IGFBPL1: variants seen among roughly 807,000 people sequenced by gnomAD.
IGFBPL1 encodes the protein insulin-like growth factor-binding protein-like 1.
Under a neutral mutation model 23.9 loss-of-function variants are expected in IGFBPL1, and 20 were observed. The observed-to-expected ratio is 0.84, with a 90% CI of 0.59 to 1.22. IGFBPL1 has a LOEUF of 1.22. Ranked by LOEUF, IGFBPL1 falls within the 50% of genes most tolerant of loss-of-function variation. IGFBPL1 has a pLI of 0.00. For synonymous variants in IGFBPL1, 184 were observed against 171.8 expected, an observed-to-expected ratio of 1.07 and a Z score of -0.56; for missense variants, 436 against 379.3, an observed-to-expected ratio of 1.15 and a Z score of -1.24.
intron 1 of IGFBPL1, among the ~76,000 whole-genome samples, chr9:38,420,285 C>T (rs978335933): frequency 6.6e-6 from 1 of 152,176 alleles, no homozygotes; most frequent in Non-Finnish European, 1.5e-5. Context: ...ACTTGCACAC[C>T]CACCAAAGGG....
Position 38,414,126 on chromosome 9 carries a change from C to A in IGFBPL1, c.538G>T (p.Ala180Ser). Residue 180 changes from alanine (A) to serine (S), a missense_variant, in exon 2 of 5, where the codon GCT (alanine) becomes TCT (serine). Coordinates refer to ENST00000377694, the MANE Select transcript of IGFBPL1 (RefSeq NM_001007563.3). ...CACGTGATGACTGGGGTAGGCACAG[C>A]CCTCACTTCACAGGACAGGCCCACC... ...AQVGLSCEVR[A>S]VPTPVITWRK... The A allele has an allele frequency of 3.7e-6, 6 of 1,612,390 alleles. No individual in the cohort carries two copies. The highest frequency in any genetic ancestry group is 1.1e-5 in the South Asian group (1 of 91,026).
chr9:38,412,588 G>C (rs1334563128), intron 3 of IGFBPL1, among the ~76,000 whole-genome samples: 1 of 152,200 alleles, frequency 6.6e-6, no homozygotes. Context: ...TTGGGCTGCT[G>C]TAACAAATCG....
Position 38,408,253 on chromosome 9 carries a change from CAAA to C in IGFBPL1, c.*971_*973del, listed in dbSNP as rs35229194. On this transcript the variant is annotated 3_prime_UTR_variant, in exon 5 of 5. Coordinates refer to ENST00000377694, the MANE Select transcript of IGFBPL1 (RefSeq NM_001007563.3). ...GCAACATAGGGAGACCCTGTCTCTA[CAAA>C]AAAAAAAAAAAAAAAAAAAAAAATA... 4.3e-5 allele frequency among the ~76,000 whole-genome samples: 3 copies of C among 70,178 alleles called. No individual in the cohort carries two copies. Among genetic ancestry groups the C allele is most frequent in the Non-Finnish European group, 8.4e-5 (3 of 35,766 alleles). The allele number at this position is 70,178 out of a possible 152,430, so 46.0% of individuals were successfully genotyped here.
intron 1 of IGFBPL1, among the ~76,000 whole-genome samples, chr9:38,422,565 AC>A (rs1331136157): frequency 6.6e-6 from 1 of 152,156 alleles, no homozygotes; most frequent in Non-Finnish European, 1.5e-5. Context: ...AGTGAAAGGG[AC>A]CTCAACAATG....
intron 1 of IGFBPL1, among the ~76,000 whole-genome samples, chr9:38,414,560 CCGACT>C (rs1460409809): frequency 6.6e-6 from 1 of 152,166 alleles, no homozygotes; most frequent in Non-Finnish European, 1.5e-5. Flanking sequence ...AAAACGGCAG[CCGACT>C]CCTAGAGGGG....
chr9:38,417,257 T>A lies in IGFBPL1; in HGVS notation c.461-3054A>T, dbSNP rs1821612606. ...GTGAGCCCAGTGATGTGGCTCCAGA[T>A]CCCAAGCTCTTCTGAACCACTGTGC... On this transcript the variant is annotated intron_variant, in intron 1 of 4. Transcript: ENST00000377694. Among the ~76,000 whole-genome samples the A allele has an allele frequency of 1.3e-5, 2 of 152,174 alleles. 1 individual carries two copies. The highest frequency in any genetic ancestry group is 4.1e-4 in the South Asian group (2 of 4,832).
intron 4 of IGFBPL1, 61 bp from the exon 5 acceptor site, chr9:38,409,278 T>C (rs1356639935): frequency 2.0e-5 from 3 of 152,212 alleles, no homozygotes; most frequent in Non-Finnish European, 4.4e-5. Flanking sequence ...CAATCAACTA[T>C]GTGTTACATG....
At chr9:38,417,043 A>G (rs1284583553) in intron 1 of IGFBPL1, among the ~76,000 whole-genome samples, 2 of 152,026 alleles carry the variant, frequency 1.3e-5, no homozygotes, top group Non-Finnish European at 2.9e-5. Flanking sequence ...ATTTTTATCC[A>G]CAGTAGCTCT....
At chr9:38,420,546 G>A (rs920981493) in intron 1 of IGFBPL1, among the ~76,000 whole-genome samples, 3 of 152,214 alleles carry the variant, frequency 2.0e-5, no homozygotes, top group African/African-American at 7.2e-5. Context: ...TGAAAATAGC[G>A]AGGCAGGCCA....
chr9:38,419,041 T>C (rs2118319475), intron 1 of IGFBPL1, among the ~76,000 whole-genome samples: 1 of 152,212 alleles, frequency 6.6e-6, no homozygotes, highest in African/African-American at 2.4e-5. Flanking sequence ...TGTGTGGATC[T>C]GTACAAATGA....
At chr9:38,419,972 C>T (rs949851451) in intron 1 of IGFBPL1, among the ~76,000 whole-genome samples, 2 of 151,828 alleles carry the variant, frequency 1.3e-5, no homozygotes, top group African/African-American at 4.8e-5. Flanking sequence ...TCACTGTAGC[C>T]TCGAACTCCT....
Position 38,423,998 on chromosome 9 carries a change from G to T in IGFBPL1, c.427C>A (p.Leu143Met). The change falls in exon 1 of 5, where the codon CTG becomes ATG. Residue 143 changes from leucine (L) to methionine (M), a missense_variant. Physicochemically the swap from Leu to Met is conservative, Grantham distance 15. Coordinates refer to ENST00000377694, the MANE Select transcript of IGFBPL1 (RefSeq NM_001007563.3). The stretch of plus-strand genomic sequence containing the variant: ...CAAGGGCCGTCGCGCGCCTTGTGCA[G>T]GTGACCGGGGTGCGCGCGGGGCGTG... ...RHTPRAHPGH[L>M]HKARDGPCEF... The T allele has an allele frequency of 7.1e-7, 1 of 1,410,546 alleles. No homozygotes were observed. The highest frequency in any genetic ancestry group is 1.8e-4 in the Middle Eastern group (1 of 5,498). 87.4% of individuals were successfully genotyped at this position (1,410,546 alleles called of 1,614,324 possible).
At chr9:38,421,851 G>A (rs1208434473) in intron 1 of IGFBPL1, among the ~76,000 whole-genome samples, 1 of 152,196 alleles carries the variant, frequency 6.6e-6, no homozygotes, top group African/African-American at 2.4e-5. Flanking sequence ...TTCTGTGGTG[G>A]ATGACACAAA....
chr9:38,423,560 A>G (rs1174810592), intron 1 of IGFBPL1, among the ~76,000 whole-genome samples: 1 of 150,258 alleles, frequency 6.7e-6, no homozygotes, highest in Non-Finnish European at 1.5e-5. Flanking sequence ...TTCCTCCCCT[A>G]TCCTCTACTT....
intron 2 of IGFBPL1, 100 bp downstream of exon 2, chr9:38,413,994 A>C: frequency 1.3e-6 from 1 of 782,608 alleles, no homozygotes; most frequent in East Asian, 2.4e-5. Context: ...ACTTAAAAGA[A>C]AAACATTTTT....
intron 1 of IGFBPL1, among the ~76,000 whole-genome samples, chr9:38,421,290 A>AC (rs1821673667): frequency 6.6e-6 from 1 of 151,536 alleles, no homozygotes; most frequent in Admixed American, 6.6e-5. Context: ...GTCTCAAAAA[A>AC]AAAAAAAAAA....
rs1821722638 is a variant in IGFBPL1, at chr9:38,424,067, G to A, written c.358C>T (p.Arg120Cys). The A allele has an allele frequency of 1.4e-6, 2 of 1,398,190 alleles. No homozygotes were observed. Among genetic ancestry groups the A allele is most frequent in the East Asian group, 6.1e-5 (2 of 32,528 alleles). The allele number at this position is 1,398,190 out of a possible 1,614,324, so 86.6% of individuals were successfully genotyped here. The change falls in exon 1 of 5, where the codon CGC becomes TGC. Residue 120 changes from arginine to cysteine, a missense_variant. Coordinates refer to ENST00000377694, the MANE Select transcript of IGFBPL1 (RefSeq NM_001007563.3). ...AGCGCGCAGACGCTGGGGTACGAGC[G>A]ACCGTCGGAGCCGCAGACGGTGCCG... ...QRGTVCGSDG[R>C]SYPSVCALRL...
rs1821455177 is a variant in IGFBPL1, at chr9:38,408,124, C to A, written c.*1103G>T. Among the ~76,000 whole-genome samples, 1 of 151,920 alleles carries A rather than the reference C, an allele frequency of 6.6e-6. No individual in the cohort carries two copies. Among genetic ancestry groups the A allele is most frequent in the South Asian group, 2.1e-4 (1 of 4,820 alleles). ...CTTCTAACCACCTGTTTAGAGAATG[C>A]TAGGCTAGGCCAAGCACAGTGGCTG... is the stretch of plus-strand genomic sequence containing the variant. On this transcript the variant is annotated 3_prime_UTR_variant, in exon 5 of 5. Coordinates refer to ENST00000377694, the MANE Select transcript of IGFBPL1 (RefSeq NM_001007563.3).
intron 1 of IGFBPL1, among the ~76,000 whole-genome samples, chr9:38,415,414 G>A (rs935542551): frequency 6.6e-6 from 1 of 152,200 alleles, no homozygotes; most frequent in African/African-American, 2.4e-5. Context: ...ACAGAAGGCA[G>A]GAGGAAGGAG....
Sources: allele counts gnomAD v4.1 joint callset (sites outside exome capture counted in the v4.1 genomes callset), GRCh38; gene constraint gnomAD v4.1.1; transcripts MANE v1.5; gene names NCBI Gene and HGNC (gene_info 2026-07-23, HGNC 2026-07-21).